Variants in PTK2 observed in about 807,000 individuals in gnomAD.
PTK2 encodes the protein protein tyrosine kinase 2.
In PTK2, 45 loss-of-function variants were observed where a neutral mutation model predicts 150.1. The observed-to-expected ratio is 0.30, with a 90% CI of 0.24 to 0.38. The LOEUF (loss-of-function observed/expected upper bound fraction) is 0.38. PTK2 is among the 10% of genes least tolerant of loss of function. PTK2 has a pLI of 1.00. For missense variants in PTK2, 919 were observed against 1,307.3 expected (o/e 0.70, Z 4.58); for synonymous variants, 432 against 449.2 (o/e 0.96, Z 0.48).
At chr8:140,818,227 G>A (rs1215991757) in intron 10 of PTK2, 50 bp downstream of exon 10, 1 of 1,487,194 alleles carries the variant, frequency 6.7e-7, no homozygotes, top group Admixed American at 1.7e-5. Context: ...TCCTTAATTT[G>A]ATTCTTCTTT....
At chr8:140,832,211 C>T (rs150819676) in intron 7 of PTK2, among the ~76,000 whole-genome samples, 23 of 152,264 alleles carry the variant, frequency 1.5e-4, no homozygotes, top group Admixed American at 8.5e-4. Context: ...TGCACTACCA[C>T]GCCCAGCTAT....
intron 5 of PTK2, among the ~76,000 whole-genome samples, chr8:140,850,955 T>C (rs1422276816): frequency 2.6e-5 from 4 of 152,246 alleles, no homozygotes; most frequent in African/African-American, 4.8e-5. Flanking sequence ...ACATGAGATT[T>C]TGTGTTTTAT....
chr8:140,726,759 A>C (rs1159144545), intron 22 of PTK2, among the ~76,000 whole-genome samples: 1 of 152,230 alleles, frequency 6.6e-6, no homozygotes, highest in Non-Finnish European at 1.5e-5. Flanking sequence ...TATTCATCTG[A>C]TGGGAAACCA....
chr8:140,907,205 G>T (rs987845506), intron 2 of PTK2, among the ~76,000 whole-genome samples: 1 of 152,162 alleles, frequency 6.6e-6, no homozygotes, highest in Non-Finnish European at 1.5e-5. Context: ...CTAAACTGTT[G>T]AATAACCACT....
In PTK2 at chr8:140,841,875, T is replaced by C. The variant is rs4335169; in HGVS notation, c.593+4385A>G. On this transcript the variant is annotated intron_variant, in intron 7 of 31. Coordinates refer to ENST00000522684, the Ensembl canonical transcript of PTK2. ...AAGTTATCATCTGTTGCCTATCATA[T>C]AGGCAAAAATGAACAAAAAATGGCA... 5.6e-3 allele frequency among the ~76,000 whole-genome samples: 860 copies of C among 152,238 alleles called. 9 individuals carry two copies. Among genetic ancestry groups the C allele is most frequent in the African/African-American group, 0.02 (821 of 41,584 alleles).
At position 140,744,840 on chromosome 8, in the gene PTK2, A is replaced by G. The variant is rs2154473451; in HGVS notation, c.1519-73T>C. On this transcript the variant is annotated intron_variant, in intron 18 of 31. Coordinates refer to ENST00000522684, the Ensembl canonical transcript of PTK2. ...GCAGTGAATCGAAATCAAAAGCAAA[A>G]AAGCTACATTCAACAATAATGCTGT... is the stretch of plus-strand genomic sequence containing the variant. 3.7e-6 allele frequency: 3 copies of G among 803,120 alleles called. No individual in the cohort carries two copies. In the South Asian group the frequency reaches 5.5e-5, roughly 15 times the overall value. 49.7% of individuals were successfully genotyped at this position (803,120 alleles called of 1,614,324 possible).
intron 1 of PTK2, among the ~76,000 whole-genome samples, chr8:140,935,509 C>T (rs955269071): frequency 1.3e-5 from 2 of 152,066 alleles, no homozygotes; most frequent in South Asian, 2.1e-4. Flanking sequence ...ATTAGTACCT[C>T]GCCTGAATAT....
At chr8:140,883,543 T>C (rs1201089122) in intron 3 of PTK2, among the ~76,000 whole-genome samples, 10 of 152,192 alleles carry the variant, frequency 6.6e-5, no homozygotes, top group African/African-American at 2.4e-4. Context: ...AGTGTTTCTT[T>C]TTCTCATTGT....
intron 27 of PTK2, among the ~76,000 whole-genome samples, chr8:140,683,256 T>TA (rs1232775226): frequency 6.6e-6 from 1 of 152,130 alleles, no homozygotes; most frequent in East Asian, 1.9e-4. Flanking sequence ...ATCTAGAAGA[T>TA]ATGGATGAAT....
At chr8:140,985,170 C>T (rs2100192851) in intron 1 of PTK2, among the ~76,000 whole-genome samples, 1 of 152,068 alleles carries the variant, frequency 6.6e-6, no homozygotes, top group Non-Finnish European at 1.5e-5. Context: ...GTCACTCAGG[C>T]TAGAGTGCAG....
At chr8:140,734,601 T>A (rs2100051482) in intron 22 of PTK2, 1 of 400,826 alleles carries the variant, frequency 2.5e-6, no homozygotes, top group Non-Finnish European at 5.0e-6. Context: ...CCCTGCGTGC[T>A]TCCTCCAGGG....
chr8:140,998,593 C>T (rs377331970), intron 1 of PTK2, among the ~76,000 whole-genome samples: 3 of 151,544 alleles, frequency 2.0e-5, no homozygotes, highest in East Asian at 1.9e-4. Flanking sequence ...CCAAGGTGGG[C>T]GGATCATGAG....
chr8:140,973,879 C>T (rs1569528431), intron 1 of PTK2, among the ~76,000 whole-genome samples: 1 of 152,130 alleles, frequency 6.6e-6, no homozygotes, highest in Non-Finnish European at 1.5e-5. Flanking sequence ...ACTTCTATGC[C>T]ACTGCTAGAT....
At chr8:140,982,229 C>T (rs1182932716) in intron 1 of PTK2, among the ~76,000 whole-genome samples, 2 of 152,138 alleles carry the variant, frequency 1.3e-5, no homozygotes, top group African/African-American at 4.8e-5. Context: ...TGGAGAGTCC[C>T]CACCGCCTTG....
rs143231932 is a variant in PTK2, at chr8:140,792,908, A to G, written c.1124+446T>C. Among the ~76,000 whole-genome samples the G allele has an allele frequency of 4.3e-3, 660 of 152,374 alleles. 4 individuals carry two copies. The highest frequency in any genetic ancestry group is 0.015 in the African/African-American group (619 of 41,598). On this transcript the variant is annotated intron_variant, in intron 13 of 31. Transcript: ENST00000522684. ...AAATTGGCTGAGAATATAAAATTAT[A>G]TAAGTTCTTTTGGTATTACTATTCG... is the stretch of plus-strand genomic sequence containing the variant.
chr8:140,929,977 G>T (rs1382226442), intron 1 of PTK2, among the ~76,000 whole-genome samples: 3 of 152,006 alleles, frequency 2.0e-5, no homozygotes, highest in African/African-American at 7.3e-5. Flanking sequence ...AAAATAATTG[G>T]ACAGAGTCCC....
chr8:140,947,767 T>G lies in PTK2; in HGVS notation c.-121-22018A>C, dbSNP rs527778862. On this transcript the variant is annotated intron_variant, in intron 1 of 31. Transcript: ENST00000522684. ...AACTCAAGTGAATCTTGATGAGGCT[T>G]TGGGCCTGGCCATGAGGTATTGGGG... Among the ~76,000 whole-genome samples, 281 of 152,248 alleles carry G rather than the reference T, an allele frequency of 1.8e-3. 2 individuals carry two copies. Among genetic ancestry groups the G allele is most frequent in the Non-Finnish European group, 2.6e-3 (180 of 68,018 alleles).
At chr8:140,946,762 C>T (rs544051226) in intron 1 of PTK2, among the ~76,000 whole-genome samples, 1 of 152,146 alleles carries the variant, frequency 6.6e-6, no homozygotes, top group East Asian at 1.9e-4. Context: ...ACATAATGTA[C>T]TCATTTGCTT....
intron 22 of PTK2, among the ~76,000 whole-genome samples, chr8:140,721,173 T>C (rs1186259670): frequency 6.6e-6 from 1 of 152,130 alleles, no homozygotes; most frequent in Non-Finnish European, 1.5e-5. Context: ...GCTTACACCA[T>C]ATGCCTGTGC....
Sources: gnomAD v4.1 joint callset for allele counts (sites outside exome capture counted in the v4.1 genomes callset) on GRCh38, gnomAD v4.1.1 for gene constraint, MANE v1.5 for transcripts, NCBI Gene and HGNC (gene_info 2026-07-23, HGNC 2026-07-21) for gene names.